Variants in CHAT observed in about 807,000 individuals in gnomAD.
The protein encoded by CHAT is acetyl CoA:choline O-acetyltransferase.
In CHAT, 61 loss-of-function variants were observed where a neutral mutation model predicts 76.9. The ratio of observed to expected loss-of-function variants is 0.79; its 90% CI spans 0.65 to 0.98. The LOEUF (loss-of-function observed/expected upper bound fraction) is 0.98, where lower values mean the gene tolerates loss of function less well. CHAT is among the 50% of genes least tolerant of loss of function. CHAT has a pLI of 0.00. For missense variants in CHAT, 946 were observed against 986.9 expected, an observed-to-expected ratio of 0.96 and a Z score of 0.56; for synonymous variants, 407 against 397.4, an observed-to-expected ratio of 1.02 and a Z score of -0.29.
upstream of CHAT, among the ~76,000 whole-genome samples, chr10:49,609,420 CG>C (rs1211235239): frequency 2.0e-5 from 3 of 147,950 alleles, no homozygotes; most frequent in Non-Finnish European, 4.5e-5. Context: ...AGGGCTTGGT[CG>C]GGTGCGAAGA....
At chr10:49,630,039 C>T (rs961240123) in intron 7 of CHAT, among the ~76,000 whole-genome samples, 10 of 152,012 alleles carry the variant, frequency 6.6e-5, no homozygotes, top group Non-Finnish European at 1.2e-4. Context: ...GAAACAGGGT[C>T]GGGGAGTGGG....
intron 7 of CHAT, among the ~76,000 whole-genome samples, chr10:49,645,438 C>T (rs1362153531): frequency 2.0e-5 from 3 of 152,200 alleles, no homozygotes; most frequent in Admixed American, 6.5e-5. Flanking sequence ...TTTTGGTGAA[C>T]TTTAAACCAA....
At chr10:49,611,080 C>T (rs1356565628), upstream of CHAT, 4 of 1,613,984 alleles carry the variant, frequency 2.5e-6, no homozygotes, top group African/African-American at 4.0e-5. Context: ...CCTTCGGCCC[C>T]GCTACCCTAC....
chr10:49,611,638 A>G (rs1173079803), upstream of CHAT: 1 of 1,611,782 alleles, frequency 6.2e-7, no homozygotes, highest in East Asian at 2.2e-5. Flanking sequence ...CGCGCTCACC[A>G]CCTGTAACAT....
intron 11 of CHAT, among the ~76,000 whole-genome samples, chr10:49,652,493 G>A (rs151149859): frequency 3.3e-5 from 5 of 152,128 alleles, no homozygotes; most frequent in East Asian, 3.9e-4. Context: ...TGCCATATCC[G>A]TTCTCCTCCA....
intron 10 of CHAT, among the ~76,000 whole-genome samples, chr10:49,651,170 G>C (rs1041734270): frequency 6.6e-6 from 1 of 152,042 alleles, no homozygotes; most frequent in African/African-American, 2.4e-5. Flanking sequence ...AGCTCAGTCT[G>C]TCCCAGACGT....
chr10:49,632,008 G>A (rs1037443726), intron 7 of CHAT, among the ~76,000 whole-genome samples: 1 of 152,108 alleles, frequency 6.6e-6, no homozygotes, highest in African/African-American at 2.4e-5. Context: ...AACAAAGTGG[G>A]ATGAGGGAGG....
At chr10:49,628,736 G>A (rs1206357206) in intron 7 of CHAT, among the ~76,000 whole-genome samples, 1 of 152,236 alleles carries the variant, frequency 6.6e-6, no homozygotes, top group Non-Finnish European at 1.5e-5. Context: ...AGGTGGGAAT[G>A]GAACAAAGCC....
chr10:49,658,488 A>G lies in CHAT; in HGVS notation c.1839+3040A>G, dbSNP rs111366638. On this transcript the variant is annotated intron_variant, in intron 13 of 14. Transcript: ENST00000337653. ...AGCCAAGATCACGTCATTGTACTTC[A>G]GTCTGGGCAACAAGAGTGAAACTCC... Among the ~76,000 whole-genome samples, 305 of 152,300 alleles carry G rather than the reference A, an allele frequency of 2.0e-3. 1 individual carries two copies. Among genetic ancestry groups the G allele is most frequent in the African/African-American group, 6.7e-3 (280 of 41,568 alleles).
chr10:49,613,691 T>C (rs1448710587), upstream of CHAT, among the ~76,000 whole-genome samples: 1 of 152,006 alleles, frequency 6.6e-6, no homozygotes, highest in East Asian at 1.9e-4. Context: ...GGGTGGGGGA[T>C]GCTTTTGTCT....
At chr10:49,644,259 G>T (rs1255256069) in intron 7 of CHAT, among the ~76,000 whole-genome samples, 3 of 152,204 alleles carry the variant, frequency 2.0e-5, no homozygotes, top group African/African-American at 7.2e-5. Flanking sequence ...GGGAGGGGCA[G>T]GAGGTTGTCT....
chr10:49,649,874 T>A (rs1378690972), intron 10 of CHAT, among the ~76,000 whole-genome samples: 152 of 54,844 alleles, frequency 2.8e-3, no homozygotes, highest in African/African-American at 5.5e-3. Context: ...CTATTTTTTT[T>A]TTTTTTTTTT....
chr10:49,660,659 G>A (rs1211737789), intron 13 of CHAT, among the ~76,000 whole-genome samples: 2 of 152,166 alleles, frequency 1.3e-5, no homozygotes, highest in Admixed American at 6.5e-5. Context: ...ATTTCTAAAC[G>A]ATATAAATAT....
intron 7 of CHAT, among the ~76,000 whole-genome samples, chr10:49,633,998 G>A (rs893081374): frequency 6.6e-6 from 1 of 152,204 alleles, no homozygotes; most frequent in South Asian, 2.1e-4. Flanking sequence ...AGCTAGGCAT[G>A]TCTGCTGATT....
At chr10:49,610,786 A>G (rs753971264), upstream of CHAT, 2 of 1,576,222 alleles carry the variant, frequency 1.3e-6, no homozygotes, top group Admixed American at 3.8e-5. Flanking sequence ...GGCGGCCACC[A>G]AGCTGTCGGA....
chr10:49,614,571 G>A, intron 1 of CHAT, 96 bp downstream of exon 1: 1 of 1,082,760 alleles, frequency 9.2e-7, no homozygotes, highest in Non-Finnish European at 1.3e-6. Flanking sequence ...GGGGCCGAGA[G>A]GCCCCAGGAC....
At chr10:49,644,270 G>C (rs1839586497) in intron 7 of CHAT, among the ~76,000 whole-genome samples, 2 of 152,212 alleles carry the variant, frequency 1.3e-5, no homozygotes, top group South Asian at 4.1e-4. Context: ...GAGGTTGTCT[G>C]TGAGGTCCAC....
intron 2 of CHAT, 67 bp from the exon 3 acceptor site, chr10:49,619,658 A>G: frequency 6.7e-6 from 10 of 1,500,510 alleles, no homozygotes; most frequent in Non-Finnish European, 9.1e-6. Flanking sequence ...GATACTAGGG[A>G]CCAACTTGGG....
chr10:49,655,144 T>C lies in CHAT; in HGVS notation c.1684T>C (p.Phe562Leu). The change falls in exon 12 of 15, where the codon TTC (phenylalanine) becomes CTC (leucine). Residue 562 changes from phenylalanine to leucine, a missense_variant. Around this residue, in one of 3 missense-constraint regions of CHAT, gnomAD observed 349 missense variants for 393.9 expected, o/e 0.89. Coordinates refer to ENST00000337653, the MANE Select transcript of CHAT (RefSeq NM_020549.5). ...PTYESASIRRFQEGRVDNIRS... is the reference protein window; with the variant it reads ...PTYESASIRRLQEGRVDNIRS... ...CTACGAGAGCGCGTCCATCCGCCGA[T>C]TCCAGGAGGGACGCGTGGACAACAT... is the stretch of plus-strand genomic sequence containing the variant. The C allele has an allele frequency of 6.2e-7, 1 of 1,614,012 alleles. No homozygotes were observed. Among genetic ancestry groups the C allele is most frequent in the Non-Finnish European group, 8.5e-7 (1 of 1,180,002 alleles).
Sources: gnomAD v4.1 joint callset for allele counts (sites outside exome capture counted in the v4.1 genomes callset) on GRCh38, gnomAD v4.1.1 for gene constraint, gnomAD v4.1.1 regional missense constraint, MANE v1.5 for transcripts, NCBI Gene and HGNC (gene_info 2026-07-23, HGNC 2026-07-21) for gene names.